TCF12: variants seen among roughly 807,000 people sequenced by gnomAD.
TCF12 encodes transcription factor 12, also known as DNA-binding protein HTF4.
TCF12 carries 45 observed loss-of-function variants against 86.0 expected under a neutral mutation model. The ratio of observed to expected loss-of-function variants is 0.52; its 90% confidence interval spans 0.41 to 0.67. TCF12 has a LOEUF of 0.67. Among genes scored for constraint, TCF12 ranks in the 30% least tolerant of loss-of-function variants. The pLI is 0.00. For missense variants in TCF12, 881 were observed against 859.9 expected (o/e 1.02, Z -0.31); for synonymous variants, 330 against 299.6 (o/e 1.10, Z -1.05).
intron 5 of TCF12, 128 bp downstream of exon 5, chr15:57,092,019 G>T: frequency 1.5e-6 from 1 of 657,844 alleles, no homozygotes; most frequent in East Asian, 2.7e-5. Context: ...GGGGCATCTA[G>T]GGCTTTTCTT....
chr15:57,143,884 G>A (rs895778027), intron 5 of TCF12, among the ~76,000 whole-genome samples: 1 of 152,156 alleles, frequency 6.6e-6, no homozygotes, highest in Non-Finnish European at 1.5e-5. Flanking sequence ...GTCTCTCTGG[G>A]TGTGGTGCTT....
chr15:57,239,553 A>C (rs1228089669), intron 12 of TCF12, among the ~76,000 whole-genome samples: 1 of 151,434 alleles, frequency 6.6e-6, no homozygotes, highest in Non-Finnish European at 1.5e-5. Context: ...ACAGTAGTTC[A>C]GGGCAATTAT....
chr15:57,079,174 C>G (rs1269219369), intron 4 of TCF12, among the ~76,000 whole-genome samples: 1 of 152,092 alleles, frequency 6.6e-6, no homozygotes, highest in African/African-American at 2.4e-5. Flanking sequence ...CATGTATTAG[C>G]TGAAACTATT....
Position 56,919,790 on chromosome 15 carries a change from G to A in TCF12, c.-22-102G>A, listed in dbSNP as rs544067571. On this transcript the variant is annotated intron_variant, in intron 1 of 20. Transcript: ENST00000333725. ...TCGGGGTCCTGGAAGTCATCCCGGC[G>A]CCCCCAGCGCTCTTGCGTAATCTTC... 2.0e-5 allele frequency: 20 copies of A among 1,007,426 alleles called. No individual in the cohort carries two copies. In the South Asian group the frequency reaches 2.8e-4, roughly 14 times the overall value. The allele number at this position is 1,007,426 out of a possible 1,614,324, so 62.4% of individuals were successfully genotyped here.
intron 3 of TCF12, among the ~76,000 whole-genome samples, chr15:56,932,548 G>T (rs2060292604): frequency 6.6e-6 from 1 of 151,980 alleles, no homozygotes; most frequent in Non-Finnish European, 1.5e-5. Flanking sequence ...AGTGCTTCAA[G>T]ATTTATTTAT....
intron 8 of TCF12, among the ~76,000 whole-genome samples, chr15:57,226,398 G>A (rs2151897662): frequency 6.6e-6 from 1 of 152,056 alleles, no homozygotes; most frequent in East Asian, 1.9e-4. Flanking sequence ...TTGTTACTTT[G>A]GTAAATTGAT....
chr15:57,067,904 G>A (rs1414030954), intron 4 of TCF12, among the ~76,000 whole-genome samples: 2 of 152,204 alleles, frequency 1.3e-5, no homozygotes, highest in Admixed American at 1.3e-4. Context: ...AAGAGATCTA[G>A]TTAATGAGTT....
At chr15:56,927,019 G>A (rs554968825) in intron 3 of TCF12, among the ~76,000 whole-genome samples, 2 of 152,276 alleles carry the variant, frequency 1.3e-5, no homozygotes, top group African/African-American at 4.8e-5. Flanking sequence ...TTTGGTGTTA[G>A]TGTAGGGAAT....
intron 6 of TCF12, among the ~76,000 whole-genome samples, chr15:57,170,710 ATAATATATATAT>A (rs2055345806): frequency 6.9e-5 from 1 of 14,554 alleles, no homozygotes; most frequent in Admixed American, 1.2e-3. Flanking sequence ...TATATAATAT[ATAATATATATAT>A]TATATATTAT....
At chr15:57,122,248 T>C (rs1358545672) in intron 5 of TCF12, among the ~76,000 whole-genome samples, 8 of 152,004 alleles carry the variant, frequency 5.3e-5, no homozygotes, top group Admixed American at 2.6e-4. Context: ...CCTTGTGTTA[T>C]AGCTTTAAGT....
At chr15:56,939,838 T>G (rs557471074) in intron 3 of TCF12, among the ~76,000 whole-genome samples, 3 of 152,306 alleles carry the variant, frequency 2.0e-5, no homozygotes, top group Admixed American at 6.5e-5. Context: ...TTACTTACTC[T>G]GCTCAAGGAT....
At chr15:56,996,475 C>A (rs1224923007) in intron 3 of TCF12, among the ~76,000 whole-genome samples, 1 of 152,166 alleles carries the variant, frequency 6.6e-6, no homozygotes, top group Non-Finnish European at 1.5e-5. Flanking sequence ...CCCTACCTAT[C>A]AGTGTATACA....
intron 3 of TCF12, among the ~76,000 whole-genome samples, chr15:57,047,165 T>G (rs1212010669): frequency 6.6e-6 from 1 of 152,250 alleles, no homozygotes; most frequent in East Asian, 1.9e-4. Flanking sequence ...AGCGTTTTGC[T>G]GTTGACATTG....
At chr15:57,205,424 A>G (rs1409577378) in intron 8 of TCF12, among the ~76,000 whole-genome samples, 1 of 152,250 alleles carries the variant, frequency 6.6e-6, no homozygotes, top group Non-Finnish European at 1.5e-5. Context: ...TTCATGAGTA[A>G]ACCCTCCAGA....
chr15:57,208,455 T>C (rs1329109526), intron 8 of TCF12, among the ~76,000 whole-genome samples: 1 of 138,570 alleles, frequency 7.2e-6, no homozygotes, highest in Non-Finnish European at 1.5e-5. Flanking sequence ...TAATCTTGGC[T>C]CACTGCAACC....
At chr15:56,929,949 G>A (rs573718781) in intron 3 of TCF12, among the ~76,000 whole-genome samples, 126 of 152,134 alleles carry the variant, frequency 8.3e-4, no homozygotes, top group African/African-American at 2.8e-3. Flanking sequence ...CTCTGGAGGC[G>A]GCCTCCCTCA....
chr15:57,107,537 A>T (rs1002150349), intron 5 of TCF12, among the ~76,000 whole-genome samples: 1 of 152,146 alleles, frequency 6.6e-6, no homozygotes. Flanking sequence ...AATATACAAC[A>T]CCAAGAGTAA....
chr15:57,285,859 T>C (rs1039832450), intron 20 of TCF12, among the ~76,000 whole-genome samples: 5 of 152,222 alleles, frequency 3.3e-5, no homozygotes, highest in African/African-American at 1.2e-4. Context: ...GCCCAGGAGT[T>C]GAAGGCTGCG....
At chr15:57,209,940 C>G (rs1012209094) in intron 8 of TCF12, among the ~76,000 whole-genome samples, 1 of 152,140 alleles carries the variant, frequency 6.6e-6, no homozygotes, top group Non-Finnish European at 1.5e-5. Context: ...CACTTTCCCT[C>G]GTATCCAAAT....
Sources: gnomAD v4.1 joint callset for allele counts (sites outside exome capture counted in the v4.1 genomes callset) on GRCh38, gnomAD v4.1.1 for gene constraint, MANE v1.5 for transcripts, NCBI Gene and HGNC (gene_info 2026-07-23, HGNC 2026-07-21) for gene names.